RAP1GAP2: variants seen among roughly 807,000 people sequenced by gnomAD.
RAP1GAP2 encodes RAP1 GTPase activating protein 2, also known as rap1 GTPase-activating protein 2.
In RAP1GAP2, 27 loss-of-function variants were observed where a neutral mutation model predicts 95.0. The observed-to-expected ratio is 0.28, with a 90% CI of 0.21 to 0.39. The LOEUF is 0.39. Among genes scored for constraint, RAP1GAP2 ranks in the 10% least tolerant of loss-of-function variants. The probability of loss-of-function intolerance (pLI) is 1.00; values close to 1 mark genes in which losing one functional copy is unlikely to be tolerated. For synonymous variants in RAP1GAP2, 373 were observed against 380.9 expected (o/e 0.98, Z 0.24); for missense variants, 771 against 970.0 (o/e 0.79, Z 2.72).
At chr17:2,868,115 A>G (rs570907895) in intron 2 of RAP1GAP2, among the ~76,000 whole-genome samples, 5 of 152,052 alleles carry the variant, frequency 3.3e-5, no homozygotes, top group Admixed American at 6.6e-5. Context: ...TGTTTTGCTT[A>G]TGCTTTGTGG....
chr17:2,881,437 G>C, intron 2 of RAP1GAP2, among the ~76,000 whole-genome samples: 1 of 152,154 alleles, frequency 6.6e-6, no homozygotes, highest in Non-Finnish European at 1.5e-5. Flanking sequence ...CTTCCACTTA[G>C]CCAGCATTCA....
In RAP1GAP2 at chr17:2,925,006, C is replaced by G. The variant is rs566672430; in HGVS notation, c.165+19638C>G. 6.6e-5 allele frequency among the ~76,000 whole-genome samples: 10 copies of G among 152,282 alleles called. No individual in the cohort carries two copies. The South Asian group carries it at 2.1e-3, about 32-fold the overall frequency. Reference sequence around the variant, plus strand: ...CCCCAATGGTGCCCTGACCTCAGGCCGCTGTGGATTCCAGATGTGGTTTGG... The same window carrying G: ...CCCCAATGGTGCCCTGACCTCAGGCGGCTGTGGATTCCAGATGTGGTTTGG... On this transcript the variant is annotated intron_variant, in intron 3 of 24. Transcript: ENST00000254695.
intron 19 of RAP1GAP2, among the ~76,000 whole-genome samples, chr17:3,023,344 G>C (rs2047013408): frequency 6.6e-6 from 1 of 152,232 alleles, no homozygotes; most frequent in Non-Finnish European, 1.5e-5. Context: ...GCTGGGCACA[G>C]TGCTGAATGC....
intron 2 of RAP1GAP2, among the ~76,000 whole-genome samples, chr17:2,850,093 C>A (rs113044767): frequency 0.037 from 5,480 of 149,762 alleles, 168 homozygotes; most frequent in Middle Eastern, 0.048. Context: ...CTCTGCCTCC[C>A]GGGTTCATGC....
At position 3,006,623 on chromosome 17, in the gene RAP1GAP2, T is replaced by C. The variant is rs139349371; in HGVS notation, c.1359+582T>C. ...TAATTTTTTGTATTTTTAGTAGAGA[T>C]GGGGTTTTGCCATGTTAGCCAGGAT... On this transcript the variant is annotated intron_variant, in intron 16 of 24. Transcript: ENST00000254695. Among the ~76,000 whole-genome samples the C allele has an allele frequency of 9.9e-5, 15 of 150,810 alleles. No homozygotes were observed. In the East Asian group the frequency reaches 1.8e-3, roughly 18 times the overall value.
chr17:2,854,617 C>T (rs1470832776), intron 2 of RAP1GAP2, among the ~76,000 whole-genome samples: 1 of 152,268 alleles, frequency 6.6e-6, no homozygotes, highest in East Asian at 1.9e-4. Context: ...GACTTTGCCT[C>T]TTCGCCTTTC....
At position 3,005,326 on chromosome 17, in the gene RAP1GAP2, G is replaced by A. The variant is rs370340016; in HGVS notation, c.1201-43G>A. The A allele has an allele frequency of 1.4e-5, 22 of 1,581,522 alleles. No individual in the cohort carries two copies. The highest frequency in any genetic ancestry group is 1.7e-4 in the Middle Eastern group (1 of 6,018). On this transcript the variant is annotated intron_variant, in intron 14 of 24. Transcript: ENST00000254695. The surrounding 1 kb of genome is among the most constrained non-coding windows in gnomAD (Gnocchi z 5.2). ...CGTGGCTCCCGTAGGGGCAGCGCTC[G>A]TCTCTTCCCTCCAGGTCCGTACCAT...
intron 19 of RAP1GAP2, among the ~76,000 whole-genome samples, chr17:3,023,271 T>G (rs1405276542): frequency 2.6e-5 from 4 of 152,260 alleles, no homozygotes; most frequent in African/African-American, 9.6e-5. Context: ...TTCTGATTCT[T>G]TAATTGATGA....
chr17:2,840,113 T>G (rs2151567809), intron 2 of RAP1GAP2, among the ~76,000 whole-genome samples: 2 of 152,168 alleles, frequency 1.3e-5, no homozygotes, highest in South Asian at 4.1e-4. Context: ...GCTGAGATAG[T>G]GTTTTGTCAG....
rs923529232 is a variant in RAP1GAP2, at chr17:3,029,202, TAAACGTC to T, written c.2108-1716_2108-1710del. On this transcript the variant is annotated intron_variant, in intron 22 of 24. Transcript: ENST00000254695. This position sits in a 1 kb window ranked among gnomAD's most constrained non-coding sequence, Gnocchi z 4.4. ...AGCCTGGCCCCCACTTGGTGTTAAATAAACGTCAAAGTAAGGAAGGTTTTGAGTAAAG... is the reference window on the plus strand; with the variant it reads ...AGCCTGGCCCCCACTTGGTGTTAAATAAAGTAAGGAAGGTTTTGAGTAAAG... Among the ~76,000 whole-genome samples, 4 of 152,180 alleles carry T rather than the reference TAAACGTC, an allele frequency of 2.6e-5. No individual in the cohort carries two copies. The highest frequency in any genetic ancestry group is 4.8e-5 in the African/African-American group (2 of 41,432).
rs1410935252 is a variant in RAP1GAP2, at chr17:2,949,682, G to A, written c.166-8077G>A. 3.1e-4 allele frequency among the ~76,000 whole-genome samples: 8 copies of A among 25,466 alleles called. No individual in the cohort carries two copies. In the Non-Finnish European group the frequency reaches 8.2e-3, roughly 26 times the overall value. 16.7% of individuals were successfully genotyped at this position (25,466 alleles called of 152,430 possible). A position where few individuals can be genotyped will look rare whatever the true frequency, so the allele number is the denominator to read the frequency against. On this transcript the variant is annotated intron_variant, in intron 3 of 24. Coordinates refer to ENST00000254695, the MANE Select transcript of RAP1GAP2 (RefSeq NM_015085.5). The stretch of plus-strand genomic sequence containing the variant: ...TGAGTGCCTTCTGTGTGCCCTGAGC[G>A]TTAACTGAGTGCCTGCTATGTGCCC...
intron 3 of RAP1GAP2, among the ~76,000 whole-genome samples, chr17:2,914,460 C>T (rs950470506): frequency 6.6e-6 from 1 of 151,942 alleles, no homozygotes; most frequent in African/African-American, 2.4e-5. Flanking sequence ...TGTAGGCGTT[C>T]TTTACATATT....
At chr17:2,910,910 G>T (rs1465150672) in intron 3 of RAP1GAP2, among the ~76,000 whole-genome samples, 3 of 152,168 alleles carry the variant, frequency 2.0e-5, no homozygotes, top group African/African-American at 7.2e-5. Context: ...TGTTGGCCAG[G>T]CTGGTCTCGA....
chr17:2,973,424 G>C (rs965076384), intron 8 of RAP1GAP2, among the ~76,000 whole-genome samples: 1 of 152,144 alleles, frequency 6.6e-6, no homozygotes, highest in African/African-American at 2.4e-5. Context: ...GCTGAGGCAG[G>C]AGAATCCCTT....
intron 10 of RAP1GAP2, 121 bp downstream of exon 10, chr17:2,981,369 T>G: frequency 2.2e-6 from 2 of 893,476 alleles, no homozygotes; most frequent in Non-Finnish European, 3.4e-6. Flanking sequence ...CATAATAAGC[T>G]TCCATGTCTC....
chr17:3,014,613 G>A (rs933670793), intron 17 of RAP1GAP2, among the ~76,000 whole-genome samples: 6 of 146,788 alleles, frequency 4.1e-5, no homozygotes, highest in South Asian at 2.1e-4. Flanking sequence ...GCAGTGGTGC[G>A]ATCTCGGCTC....
At chr17:2,861,633 A>G (rs2072395838) in intron 2 of RAP1GAP2, among the ~76,000 whole-genome samples, 1 of 124,042 alleles carries the variant, frequency 8.1e-6, no homozygotes, top group Non-Finnish European at 1.7e-5. Context: ...ATGCCCAGCT[A>G]ATTTTTGTAT....
chr17:2,844,629 G>T (rs2071507250), intron 2 of RAP1GAP2, among the ~76,000 whole-genome samples: 1 of 152,188 alleles, frequency 6.6e-6, no homozygotes, highest in African/African-American at 2.4e-5. Context: ...GATGAGCTTT[G>T]TGTTTACCTT....
intron 1 of RAP1GAP2, among the ~76,000 whole-genome samples, chr17:2,782,296 C>T (rs1339607132): frequency 6.6e-6 from 1 of 152,218 alleles, no homozygotes; most frequent in African/African-American, 2.4e-5. Context: ...CTCCCGAGCT[C>T]TGAGCTGAGG....
Sources: allele counts gnomAD v4.1 joint callset (sites outside exome capture counted in the v4.1 genomes callset), GRCh38; gene constraint gnomAD v4.1.1; non-coding constraint Gnocchi (gnomAD v3.1); transcripts MANE v1.5; gene names NCBI Gene and HGNC (gene_info 2026-07-23, HGNC 2026-07-21).